The following CXADR variants were observed in gnomAD, a reference collection of about 807,000 sequenced individuals.
The protein encoded by CXADR is CXADR cell adhesion molecule, also known as coxsackievirus and adenovirus receptor.
In CXADR, 20 loss-of-function variants were observed where a neutral mutation model predicts 40.3. The ratio of observed to expected loss-of-function variants is 0.50; its 90% CI spans 0.35 to 0.72. The LOEUF (loss-of-function observed/expected upper bound fraction) is 0.72, where lower values mean the gene tolerates loss of function less well. Among genes scored for constraint, CXADR ranks in the 30% least tolerant of loss-of-function variants. The pLI is 0.01. For synonymous variants in CXADR, 150 were observed against 161.3 expected (o/e 0.93, Z 0.53); for missense variants, 332 against 449.1 (o/e 0.74, Z 2.36).
chr21:17,550,135 T>C lies in CXADR; in HGVS notation c.211-1614T>C, dbSNP rs111935059. ...ACTTTGGGAGGCCGAGGCAGGCGGA[T>C]CACAAGGTCAGGAGTTCGAGACCAA... On this transcript the variant is annotated intron_variant, in intron 2 of 6. Transcript: ENST00000284878. Among the ~76,000 whole-genome samples, 230 of 152,220 alleles carry C rather than the reference T, an allele frequency of 1.5e-3. 1 individual carries two copies. Among genetic ancestry groups the C allele is most frequent in the African/African-American group, 4.6e-3 (193 of 41,552 alleles).
downstream of CXADR, among the ~76,000 whole-genome samples, chr21:17,574,198 A>G (rs2061301901): frequency 6.6e-6 from 1 of 152,202 alleles, no homozygotes; most frequent in Admixed American, 6.5e-5. Context: ...TCCCCTTCAA[A>G]AGGCATTAAC....
At chr21:17,559,968 CG>C (rs930096915) in intron 4 of CXADR, among the ~76,000 whole-genome samples, 30 of 84,818 alleles carry the variant, frequency 3.5e-4, no homozygotes, top group Admixed American at 1.0e-3. Context: ...TTGCGCCTGG[CG>C]AATTTTTTTT....
chr21:17,533,376 T>C (rs139952267), intron 1 of CXADR, among the ~76,000 whole-genome samples: 1 of 152,324 alleles, frequency 6.6e-6, no homozygotes, highest in African/African-American at 2.4e-5. Context: ...ACCATGGTGA[T>C]TGGAATAGGA....
chr21:17,574,857 A>G (rs926913659), downstream of CXADR, among the ~76,000 whole-genome samples: 13 of 152,156 alleles, frequency 8.5e-5, no homozygotes, highest in African/African-American at 3.1e-4. Flanking sequence ...CTGGAGTAGG[A>G]GAGAGGACTG....
At chr21:17,544,710 G>C (rs2060872311) in intron 1 of CXADR, among the ~76,000 whole-genome samples, 1 of 152,168 alleles carries the variant, frequency 6.6e-6, no homozygotes, top group Non-Finnish European at 1.5e-5. Flanking sequence ...GGTCAAAGCT[G>C]GGCAGGCCTC....
the CXADR span, among the ~76,000 whole-genome samples, chr21:17,620,989 T>G: frequency 6.6e-6 from 1 of 152,234 alleles, no homozygotes; most frequent in Admixed American, 6.5e-5. Flanking sequence ...GTTATGGTTT[T>G]GAGGCAGAAT....
downstream of CXADR, among the ~76,000 whole-genome samples, chr21:17,594,487 T>A (rs951987301): frequency 6.6e-6 from 1 of 152,076 alleles, no homozygotes; most frequent in Non-Finnish European, 1.5e-5. Context: ...AAAAACCTCA[T>A]GTGTAATAGG....
downstream of CXADR, among the ~76,000 whole-genome samples, chr21:17,574,127 G>C (rs2061301214): frequency 6.6e-6 from 1 of 152,182 alleles, no homozygotes; most frequent in Middle Eastern, 3.2e-3. Flanking sequence ...GAAAGGTGAT[G>C]CACAAAGTAT....
the CXADR span, among the ~76,000 whole-genome samples, chr21:17,605,959 G>A: frequency 6.6e-6 from 1 of 152,096 alleles, no homozygotes; most frequent in East Asian, 1.9e-4. Flanking sequence ...TAATTACGCT[G>A]TAAAATACAA....
chr21:17,593,259 C>G (rs541968805), exon 8 of CXADR: 153 of 1,302,008 alleles, frequency 1.2e-4, no homozygotes, highest in Middle Eastern at 2.0e-4. Context: ...CTAGTAAAGA[C>G]TTAAATGTTT....
At chr21:17,598,334 T>A (rs2061530196), downstream of CXADR, among the ~76,000 whole-genome samples, 1 of 152,232 alleles carries the variant, frequency 6.6e-6, no homozygotes, top group African/African-American at 2.4e-5. Context: ...AATGAGATTT[T>A]AAAATATCAG....
At chr21:17,555,929 T>C (rs1009260994) in intron 3 of CXADR, among the ~76,000 whole-genome samples, 2 of 152,200 alleles carry the variant, frequency 1.3e-5, no homozygotes, top group African/African-American at 4.8e-5. Flanking sequence ...GTATCCCCTG[T>C]CTCATGTAGG....
chr21:17,613,757 A>C, the CXADR span: 1 of 152,230 alleles, frequency 6.6e-6, no homozygotes, highest in Non-Finnish European at 1.5e-5. Flanking sequence ...CATCTTTTCA[A>C]CCTTTTATAT....
chr21:17,541,181 C>T (rs1186662133), intron 1 of CXADR, among the ~76,000 whole-genome samples: 1 of 152,070 alleles, frequency 6.6e-6, no homozygotes, highest in Non-Finnish European at 1.5e-5. Flanking sequence ...TGGTTTTGTA[C>T]ATTCTACGGG....
At chr21:17,634,152 G>A in the CXADR span, among the ~76,000 whole-genome samples, 1 of 152,112 alleles carries the variant, frequency 6.6e-6, no homozygotes, top group African/African-American at 2.4e-5. Flanking sequence ...TAACAGAGGA[G>A]GAAATAAAAT....
In CXADR at chr21:17,566,142, G is replaced by C; in HGVS notation, c.*450G>C. Reference sequence around the variant, plus strand: ...CACCAGTCTCCCCCAAATTAGTACAGAAATATCCATGACAAAATTACTTAC... The same window carrying C: ...CACCAGTCTCCCCCAAATTAGTACACAAATATCCATGACAAAATTACTTAC... On this transcript the variant is annotated 3_prime_UTR_variant, in exon 7 of 7. Transcript: ENST00000284878. 6 of 984,822 alleles carry C rather than the reference G, an allele frequency of 6.1e-6. No individual in the cohort carries two copies. The highest frequency in any genetic ancestry group is 7.2e-6 in the Non-Finnish European group (6 of 829,320). The allele number at this position is 984,822 out of a possible 1,614,324, so 61.0% of individuals were successfully genotyped here.
the CXADR span, chr21:17,613,246 C>T: frequency 7.9e-5 from 12 of 152,188 alleles, no homozygotes; most frequent in African/African-American, 2.2e-4. Flanking sequence ...CGGGCTTGGT[C>T]CTTTCGGCTG....
At chr21:17,528,863 G>A (rs1019849365) in intron 1 of CXADR, among the ~76,000 whole-genome samples, 1 of 151,954 alleles carries the variant, frequency 6.6e-6, no homozygotes, top group African/African-American at 2.4e-5. Flanking sequence ...TGGTCTTCTG[G>A]CTACTTTAAA....
chr21:17,595,021 AAC>A (rs770557399), downstream of CXADR, among the ~76,000 whole-genome samples: 45 of 151,996 alleles, frequency 3.0e-4, no homozygotes, highest in Non-Finnish European at 5.4e-4. Flanking sequence ...AAAAAAGATA[AAC>A]ACAAAACATT....
Sources: allele counts gnomAD v4.1 joint callset (sites outside exome capture counted in the v4.1 genomes callset), GRCh38; gene constraint gnomAD v4.1.1; transcripts MANE v1.5; gene names NCBI Gene and HGNC (gene_info 2026-07-23, HGNC 2026-07-21).